The following MYZAP variants were observed in gnomAD, a reference collection of about 807,000 sequenced individuals.
MYZAP encodes the protein myocardial zonula adherens protein.
Under a neutral mutation model 69.4 loss-of-function variants are expected in MYZAP, and 66 were observed. The observed-to-expected ratio is 0.95, with a 90% confidence interval of 0.78 to 1.17. The LOEUF (loss-of-function observed/expected upper bound fraction) is 1.17. Among genes scored for constraint, MYZAP ranks in the 50% most tolerant of loss-of-function variants. The pLI, the probability that MYZAP is intolerant of heterozygous loss-of-function variation, is 0.00. For synonymous variants in MYZAP, 256 were observed against 205.9 expected (o/e 1.24, Z -2.09); for missense variants, 611 against 556.2 (o/e 1.10, Z -0.99).
chr15:57,641,246 CAG>C (rs1215990089), intron 10 of MYZAP, among the ~76,000 whole-genome samples: 2 of 152,158 alleles, frequency 1.3e-5, no homozygotes, highest in East Asian at 3.8e-4. Flanking sequence ...GTACCAGAAT[CAG>C]AGACATTGTT....
intron 12 of MYZAP, among the ~76,000 whole-genome samples, chr15:57,681,567 T>C (rs2039444159): frequency 6.6e-6 from 1 of 152,222 alleles, no homozygotes; most frequent in South Asian, 2.1e-4. Context: ...GCGGATCATT[T>C]GAGGCCAGGG....
intron 2 of MYZAP, among the ~76,000 whole-genome samples, chr15:57,611,812 A>G (rs2035124012): frequency 6.6e-6 from 1 of 152,086 alleles, no homozygotes; most frequent in Non-Finnish European, 1.5e-5. Flanking sequence ...CAATCATAGC[A>G]CACGATTGCC....
At chr15:57,644,591 C>A (rs114624443) in intron 10 of MYZAP, among the ~76,000 whole-genome samples, 3 of 152,066 alleles carry the variant, frequency 2.0e-5, no homozygotes, top group Non-Finnish European at 1.5e-5. Flanking sequence ...ACTATAGGCA[C>A]GTGCACCCAT....
At chr15:57,611,006 C>T (rs9806498) in intron 2 of MYZAP, among the ~76,000 whole-genome samples, 38,102 of 152,046 alleles carry the variant, frequency 0.25, 5,497 homozygotes, top group Non-Finnish European at 0.33. Flanking sequence ...CAGACAGACT[C>T]ATTCAGATAG....
chr15:57,593,201 C>T (rs1215073809), intron 1 of MYZAP, among the ~76,000 whole-genome samples: 2 of 150,506 alleles, frequency 1.3e-5, no homozygotes, highest in Non-Finnish European at 2.9e-5. Flanking sequence ...CACACACACA[C>T]ACACACACAC....
At chr15:57,684,337 A>C (rs1294285231) in intron 12 of MYZAP, 65 bp from the exon 13 acceptor site, 1 of 996,892 alleles carries the variant, frequency 1.0e-6, no homozygotes, top group Admixed American at 1.9e-5. Context: ...TTGTCTTACC[A>C]TGTGAAGCAT....
At chr15:57,629,364 T>C (rs1202094469) in intron 5 of MYZAP, among the ~76,000 whole-genome samples, 3 of 152,192 alleles carry the variant, frequency 2.0e-5, no homozygotes, top group African/African-American at 7.2e-5. Context: ...CAAAAGCTGT[T>C]TTTTTTCCCA....
At chr15:57,609,616 C>A (rs2442072) in intron 2 of MYZAP, among the ~76,000 whole-genome samples, 9,214 of 152,192 alleles carry the variant, frequency 0.061, 736 homozygotes, top group African/African-American at 0.18. Context: ...GGGGGACACT[C>A]TTCAACCCAT....
chr15:57,654,769 T>G (rs1211758844), intron 10 of MYZAP, among the ~76,000 whole-genome samples: 1 of 152,176 alleles, frequency 6.6e-6, no homozygotes, highest in Non-Finnish European at 1.5e-5. Context: ...CCTCACAACT[T>G]CCAGCTGTGG....
chr15:57,676,896 C>T (rs1382364992), intron 12 of MYZAP, among the ~76,000 whole-genome samples: 1 of 152,172 alleles, frequency 6.6e-6, no homozygotes, highest in African/African-American at 2.4e-5. Flanking sequence ...AGCAGCTTTT[C>T]CATAAATGTA....
chr15:57,656,162 G>A lies in MYZAP; in HGVS notation c.1120-5288G>A, dbSNP rs550328989. On this transcript the variant is annotated intron_variant, in intron 10 of 12. Transcript: ENST00000267853. The stretch of plus-strand genomic sequence containing the variant: ...GGATTTTGGAGTAGCTCCTGATTTG[G>A]GGGTTGCTCTGGGGACATGTGTTTA... Among the ~76,000 whole-genome samples the A allele has an allele frequency of 7.9e-5, 12 of 152,270 alleles. No individual in the cohort carries two copies. The South Asian group carries it at 1.9e-3, about 24-fold the overall frequency.
chr15:57,609,556 C>T lies in MYZAP; in HGVS notation c.162+5201C>T, dbSNP rs560342884. Among the ~76,000 whole-genome samples the T allele has an allele frequency of 1.9e-3, 285 of 152,302 alleles. 1 individual carries two copies. Among genetic ancestry groups the T allele is most frequent in the Non-Finnish European group, 3.5e-3 (239 of 68,032 alleles). On this transcript the variant is annotated intron_variant, in intron 2 of 12. Coordinates refer to ENST00000267853, the MANE Select transcript of MYZAP (RefSeq NM_001018100.5). ...TGGCTTTCTCTTAACTTGACCTGCTCTCCATATAATTCCTAGGTACTGGAG... is the reference window on the plus strand; with the variant it reads ...TGGCTTTCTCTTAACTTGACCTGCTTTCCATATAATTCCTAGGTACTGGAG...
intron 11 of MYZAP, among the ~76,000 whole-genome samples, chr15:57,666,121 G>A (rs2038558183): frequency 6.6e-6 from 1 of 152,160 alleles, no homozygotes; most frequent in Admixed American, 6.5e-5. Context: ...TGGAGACTTC[G>A]GTTCTGACTC....
chr15:57,661,657 T>G (rs1012200761), intron 11 of MYZAP, 124 bp downstream of exon 11: 4 of 826,636 alleles, frequency 4.8e-6, no homozygotes, highest in Non-Finnish European at 7.2e-6. Flanking sequence ...TGATTGAGGG[T>G]TAAGTGCCAG....
At chr15:57,613,855 C>T (rs2140365920) in intron 2 of MYZAP, among the ~76,000 whole-genome samples, 1 of 152,282 alleles carries the variant, frequency 6.6e-6, no homozygotes, top group South Asian at 2.1e-4. Flanking sequence ...CAGCATGTTT[C>T]TCTAAAAGAG....
At chr15:57,643,450 C>T in intron 10 of MYZAP, among the ~76,000 whole-genome samples, 1 of 152,228 alleles carries the variant, frequency 6.6e-6, no homozygotes, top group East Asian at 1.9e-4. Flanking sequence ...ACTGGGAGAG[C>T]TGGGAGGAGT....
intron 1 of MYZAP, among the ~76,000 whole-genome samples, chr15:57,593,215 C>CACACACACACACACACA (rs1358695314): frequency 7.0e-6 from 1 of 141,910 alleles, no homozygotes; most frequent in Non-Finnish European, 1.5e-5. Flanking sequence ...CACACACACA[C>CACACACACACACACACA]CCCAGAATCC....
At chr15:57,666,927 G>T (rs1288700537) in intron 11 of MYZAP, among the ~76,000 whole-genome samples, 1 of 152,068 alleles carries the variant, frequency 6.6e-6, no homozygotes, top group Admixed American at 6.5e-5. Flanking sequence ...TGGAGAAGAA[G>T]AAATATTCTC....
Position 57,621,688 on chromosome 15 carries a change from C to G in MYZAP, c.399C>G (p.Thr133=). 6 of 1,613,606 alleles carry G rather than the reference C, an allele frequency of 3.7e-6. No homozygotes were observed. Among genetic ancestry groups the G allele is most frequent in the Non-Finnish European group, 5.1e-6 (6 of 1,179,734 alleles). ...DEMRQKIRQL[T]QELSVSHAQQ... is the part of the protein sequence containing the mutation. ...TGAGACAGAAGATTCGACAGCTCAC[C>G]CAGGAACTATCAGTAAGTCATTATC... Residue 133 remains threonine, a synonymous_variant, in exon 4 of 13, where the codon ACC becomes ACG. Transcript: ENST00000267853.
Sources: gnomAD v4.1 joint callset for allele counts (sites outside exome capture counted in the v4.1 genomes callset) on GRCh38, gnomAD v4.1.1 for gene constraint, MANE v1.5 for transcripts, NCBI Gene and HGNC (gene_info 2026-07-23, HGNC 2026-07-21) for gene names.